KMT2A: variants seen among roughly 807,000 people sequenced by gnomAD.
KMT2A encodes the protein histone-lysine N-methyltransferase 2A.
Under a neutral mutation model 345.3 loss-of-function variants are expected in KMT2A, and 16 were observed. The ratio of observed to expected loss-of-function variants is 0.05; its 90% CI spans 0.03 to 0.07. KMT2A has a LOEUF of 0.07. KMT2A is among the 10% of genes least tolerant of loss of function. The pLI is 1.00. For synonymous variants in KMT2A, 1,599 were observed against 1,778.6 expected, an observed-to-expected ratio of 0.90 and a Z score of 2.54; for missense variants, 3,272 against 4,841.6, an observed-to-expected ratio of 0.68 and a Z score of 9.62.
At position 118,473,528 on chromosome 11, in the gene KMT2A, G is replaced by A. The variant is rs1565280092; in HGVS notation, c.2369G>A (p.Ser790Asn). The stretch of plus-strand genomic sequence containing the variant: ...ATTTCTGTTAGTCCTCTTGCCACTA[G>A]TGCCTTAAACCCAACTTTTACTTTT... ...LSISVSPLAT[S>N]ALNPTFTFPS... Residue 790 changes from serine (S) to asparagine (N), a missense_variant, in exon 3 of 36, where the codon AGT becomes AAT. By Grantham distance (46) the Ser-to-Asn change is conservative. This residue lies in a region of KMT2A where 209 missense variants were observed against 237.4 expected (regional missense o/e 0.88). Transcript: ENST00000534358. The surrounding 1 kb of genome is among the most constrained non-coding windows in gnomAD (Gnocchi z 5.2). 6.2e-7 allele frequency: 1 copy of A among 1,614,102 alleles called. No homozygotes were observed. The highest frequency in any genetic ancestry group is 1.6e-4 in the Middle Eastern group (1 of 6,062).
At position 118,494,925 on chromosome 11, in the gene KMT2A, G is replaced by T. The variant is rs868956994; in HGVS notation, c.5363+158G>T. 2.9e-4 allele frequency among the ~76,000 whole-genome samples: 44 copies of T among 152,198 alleles called. 1 individual carries two copies. Among genetic ancestry groups the T allele is most frequent in the African/African-American group, 1.1e-3 (44 of 41,552 alleles). Reference sequence around the variant, plus strand: ...GTTTTGAGGACTACATTTAATGTTTGTTATAAGCAATTGCCTTTTTGTTCT... The same window carrying T: ...GTTTTGAGGACTACATTTAATGTTTTTTATAAGCAATTGCCTTTTTGTTCT... On this transcript the variant is annotated intron_variant, in intron 18 of 35. Coordinates refer to ENST00000534358, the MANE Select transcript of KMT2A (RefSeq NM_001197104.2). This position sits in a 1 kb window ranked among gnomAD's most constrained non-coding sequence, Gnocchi z 5.8.
chr11:118,440,487 G>A (rs567917986), intron 1 of KMT2A, among the ~76,000 whole-genome samples: 2 of 152,216 alleles, frequency 1.3e-5, no homozygotes, highest in East Asian at 3.9e-4. Flanking sequence ...TAGAAGTTAG[G>A]CTGTTGTAAT....
rs2134341029 is a variant in KMT2A at position 118,491,817 on chromosome 11, C to T, written c.4893C>T (p.His1631=). 6.2e-7 allele frequency: 1 copy of T among 1,614,046 alleles called. No individual in the cohort carries two copies. The highest frequency in any genetic ancestry group is 8.5e-7 in the Non-Finnish European group (1 of 1,179,930). ...CTTGTGTGAACTGTACTGAGCGGCA[C>T]CCTGCAGAGTGGCGACTGGCCCTTG... is the stretch of plus-strand genomic sequence containing the variant. ...AYTCVNCTER[H]PAEWRLALEK... is the part of the protein sequence containing the mutation. Residue 1631 remains histidine (H), a synonymous_variant, in exon 15 of 36, where the codon CAC becomes CAT. Coordinates refer to ENST00000534358, the MANE Select transcript of KMT2A (RefSeq NM_001197104.2). The surrounding 1 kb of genome is among the most constrained non-coding windows in gnomAD (Gnocchi z 4.2).
intron 31 of KMT2A, among the ~76,000 whole-genome samples, chr11:118,515,234 C>T (rs1160297609): frequency 1.3e-5 from 2 of 152,230 alleles, no homozygotes; most frequent in Non-Finnish European, 2.9e-5. Flanking sequence ...CCACCAGGAC[C>T]TATTTCCTCC....
intron 1 of KMT2A, among the ~76,000 whole-genome samples, chr11:118,467,492 T>C (rs1402296737): frequency 6.6e-6 from 1 of 152,256 alleles, no homozygotes. Flanking sequence ...AAAGCCTTTT[T>C]AGATGCCAGT....
At position 118,497,450 on chromosome 11, in the gene KMT2A, C is replaced by T. The variant is rs1950428036; in HGVS notation, c.5665-486C>T. Among the ~76,000 whole-genome samples the T allele has an allele frequency of 6.6e-6, 1 of 152,208 alleles. No individual in the cohort carries two copies. ...TTGCTCTGTCACCCAGACTAGAGTA[C>T]AGTGGCATGCTTTTGGCTCACTGCA... On this transcript the variant is annotated intron_variant, in intron 20 of 35. Transcript: ENST00000534358. The surrounding 1 kb of genome is among the most constrained non-coding windows in gnomAD (Gnocchi z 4.8).
At position 118,505,091 on chromosome 11, in the gene KMT2A, G is replaced by C. The variant is rs2134403767; in HGVS notation, c.9199G>C (p.Val3067Leu). The change falls in exon 27 of 36, where the codon GTC becomes CTC. Residue 3067 changes from valine to leucine, a missense_variant. Coordinates refer to ENST00000534358, the MANE Select transcript of KMT2A (RefSeq NM_001197104.2). The surrounding 1 kb of genome is among the most constrained non-coding windows in gnomAD (Gnocchi z 4.6). ...CCCGTCTCAGATTTCCAATGCAGCTGTCCAGACCACTCCACCCCACCTGAA... is the reference window on the plus strand; with the variant it reads ...CCCGTCTCAGATTTCCAATGCAGCTCTCCAGACCACTCCACCCCACCTGAA... Reference protein sequence around the residue: ...PGPSQISNAAVQTTPPHLKPA... With the variant: ...PGPSQISNAALQTTPPHLKPA... The C allele has an allele frequency of 6.2e-7, 1 of 1,614,022 alleles. No individual in the cohort carries two copies. Among genetic ancestry groups the C allele is most frequent in the South Asian group, 1.1e-5 (1 of 91,080 alleles).
In KMT2A at chr11:118,484,074, A is replaced by C; in HGVS notation, c.4087-109A>C. The C allele has an allele frequency of 9.2e-7, 1 of 1,091,946 alleles. No individual in the cohort carries two copies. The highest frequency in any genetic ancestry group is 1.3e-6 in the Non-Finnish European group (1 of 757,756). The allele number at this position is 1,091,946 out of a possible 1,614,324, so 67.6% of individuals were successfully genotyped here. The stretch of plus-strand genomic sequence containing the variant: ...AAGATTATTTGTTTATGTTGGAAAC[A>C]TGTTTTTTAGATCTATTAATAAAAT... On this transcript the variant is annotated intron_variant, in intron 8 of 35. Coordinates refer to ENST00000534358, the MANE Select transcript of KMT2A (RefSeq NM_001197104.2). The surrounding 1 kb of genome is among the most constrained non-coding windows in gnomAD (Gnocchi z 4.1).
In KMT2A at chr11:118,526,758, C is replaced by T. The variant is rs557438229; in HGVS notation, c.*4586C>T. ...GTTGTAAAAAAAAGGAGTTTTTAAA[C>T]ATGTTTATTTTCTATGCACTTTTTT... On this transcript the variant is annotated 3_prime_UTR_variant, in exon 36 of 36. Transcript: ENST00000534358. 1.3e-5 allele frequency: 3 copies of T among 227,568 alleles called. No individual in the cohort carries two copies. The highest frequency in any genetic ancestry group is 6.6e-5 in the African/African-American group (3 of 45,166). The allele number at this position is 227,568 out of a possible 1,614,324, so 14.1% of individuals were successfully genotyped here.
At chr11:118,458,846 T>C (rs1006408500) in intron 1 of KMT2A, among the ~76,000 whole-genome samples, 2 of 152,230 alleles carry the variant, frequency 1.3e-5, no homozygotes, top group Non-Finnish European at 2.9e-5. Context: ...GTTTGCCTCC[T>C]GGATATTTCT....
chr11:118,504,066 A>C lies in KMT2A; in HGVS notation c.8174A>C (p.Asp2725Ala). The C allele has an allele frequency of 6.2e-7, 1 of 1,614,224 alleles. No homozygotes were observed. The highest frequency in any genetic ancestry group is 8.5e-7 in the Non-Finnish European group (1 of 1,180,030). Reference sequence around the variant, plus strand: ...ATCTCACAGTTGGATGGTGTTGATGATGGGACAGAGAGTGATACTAGTGTC... The same window carrying C: ...ATCTCACAGTTGGATGGTGTTGATGCTGGGACAGAGAGTGATACTAGTGTC... Reference protein sequence around the residue: ...PKISQLDGVDDGTESDTSVTA... With the variant: ...PKISQLDGVDAGTESDTSVTA... Residue 2725 changes from aspartate to alanine, a missense_variant, in exon 27 of 36, where the codon GAT becomes GCT. This residue lies in a region of KMT2A where 9 missense variants were observed against 27.7 expected (regional missense o/e 0.32). Coordinates refer to ENST00000534358, the MANE Select transcript of KMT2A (RefSeq NM_001197104.2). This position sits in a 1 kb window ranked among gnomAD's most constrained non-coding sequence, Gnocchi z 6.4.
In KMT2A at chr11:118,481,736, A is replaced by G; in HGVS notation, c.3656A>G (p.Lys1219Arg). 5 of 1,609,668 alleles carry G rather than the reference A, an allele frequency of 3.1e-6. No individual in the cohort carries two copies. The highest frequency in any genetic ancestry group is 4.2e-6 in the Non-Finnish European group (5 of 1,178,534). ...TCAGCTGTGAAAAAGAAAGAGAAAA[A>G]GTCTAAGACCAGTGAAAAGAAAGAC... is the stretch of plus-strand genomic sequence containing the variant. ...QAKAVKKKEKKSKTSEKKDSK... is the reference protein window; with the variant it reads ...QAKAVKKKEKRSKTSEKKDSK... Residue 1219 changes from lysine to arginine, a missense_variant, in exon 7 of 36, where the codon AAG becomes AGG. Coordinates refer to ENST00000534358, the MANE Select transcript of KMT2A (RefSeq NM_001197104.2).
chr11:118,482,321 A>T, intron 7 of KMT2A, 101 bp from the exon 8 acceptor site: 1 of 818,580 alleles, frequency 1.2e-6, no homozygotes, highest in Non-Finnish European at 1.9e-6. Flanking sequence ...GAGTTTAAAT[A>T]GTTTTTTTTT....
Position 118,498,295 on chromosome 11 carries a change from G to A in KMT2A, c.5803-75G>A. On this transcript the variant is annotated intron_variant, in intron 21 of 35. Coordinates refer to ENST00000534358, the MANE Select transcript of KMT2A (RefSeq NM_001197104.2). The surrounding 1 kb of genome is among the most constrained non-coding windows in gnomAD (Gnocchi z 4.4). ...TTGTAGGAACTGTAGAATGGGATGAGTCTATAGAGGAGACGGTAAACGTCT... is the reference window on the plus strand; with the variant it reads ...TTGTAGGAACTGTAGAATGGGATGAATCTATAGAGGAGACGGTAAACGTCT... 2 of 1,366,836 alleles carry A rather than the reference G, an allele frequency of 1.5e-6. No homozygotes were observed. Among genetic ancestry groups the A allele is most frequent in the Non-Finnish European group, 2.0e-6 (2 of 995,810 alleles). 84.7% of individuals were successfully genotyped at this position (1,366,836 alleles called of 1,614,324 possible).
In KMT2A at chr11:118,494,612, C is replaced by T. The variant is rs975084621; in HGVS notation, c.5290-82C>T. ...TGGCCTGAAATTATCCTCGTATTAA[C>T]AGAGAAGCTGGTTTGAAGATTTTTC... On this transcript the variant is annotated intron_variant, in intron 17 of 35. Coordinates refer to ENST00000534358, the MANE Select transcript of KMT2A (RefSeq NM_001197104.2). The surrounding 1 kb of genome is among the most constrained non-coding windows in gnomAD (Gnocchi z 5.8). 8.1e-7 allele frequency: 1 copy of T among 1,241,522 alleles called. No homozygotes were observed. Among genetic ancestry groups the T allele is most frequent in the African/African-American group, 1.5e-5 (1 of 66,868 alleles). 76.9% of individuals were successfully genotyped at this position (1,241,522 alleles called of 1,614,324 possible).
In KMT2A at chr11:118,473,374, A is replaced by G; in HGVS notation, c.2215A>G (p.Lys739Glu). The change falls in exon 3 of 36, where the codon AAA becomes GAA. Residue 739 changes from lysine to glutamate, a missense_variant. Coordinates refer to ENST00000534358, the MANE Select transcript of KMT2A (RefSeq NM_001197104.2). This position sits in a 1 kb window ranked among gnomAD's most constrained non-coding sequence, Gnocchi z 5.2. ...AGTATCCAATAGAAAAAGGAAAAGAAAAGTGTTTAGTCCTATTCGATCTGA... is the reference window on the plus strand; with the variant it reads ...AGTATCCAATAGAAAAAGGAAAAGAGAAGTGTTTAGTCCTATTCGATCTGA... Reference protein sequence around the residue: ...SGVSNRKRKRKVFSPIRSEPR... With the variant: ...SGVSNRKRKREVFSPIRSEPR... The G allele has an allele frequency of 6.2e-7, 1 of 1,614,076 alleles. No individual in the cohort carries two copies. The highest frequency in any genetic ancestry group is 8.5e-7 in the Non-Finnish European group (1 of 1,179,990).
intron 1 of KMT2A, among the ~76,000 whole-genome samples, chr11:118,447,191 C>A (rs1949439820): frequency 6.6e-6 from 1 of 152,138 alleles, no homozygotes; most frequent in Admixed American, 6.6e-5. Flanking sequence ...AAATTTAACC[C>A]CGTATACCTT....
chr11:118,489,844 G>A lies in KMT2A; in HGVS notation c.4532G>A (p.Gly1511Glu). Residue 1511 changes from glycine (G) to glutamate (E), a missense_variant, in exon 12 of 36, where the codon GGA becomes GAA. Gly to Glu is a moderately conservative substitution (Grantham distance 98). Around this residue, in one of 27 missense-constraint regions of KMT2A, gnomAD observed 120 missense variants for 280.4 expected, o/e 0.43. Coordinates refer to ENST00000534358, the MANE Select transcript of KMT2A (RefSeq NM_001197104.2). ...CRNSYHPECL[G>E]PNYPTKPTKK... ...AACAGCTATCACCCTGAGTGCCTGGGACCAAACTACCCCACCAAACCCACA... is the reference window on the plus strand; with the variant it reads ...AACAGCTATCACCCTGAGTGCCTGGAACCAAACTACCCCACCAAACCCACA... The A allele has an allele frequency of 6.2e-7, 1 of 1,614,120 alleles. No homozygotes were observed. The highest frequency in any genetic ancestry group is 8.5e-7 in the Non-Finnish European group (1 of 1,180,010).
Position 118,472,900 on chromosome 11 carries a change from C to T in KMT2A, c.1741C>T (p.His581Tyr), listed in dbSNP as rs1555036160. 3.1e-6 allele frequency: 5 copies of T among 1,613,966 alleles called. No individual in the cohort carries two copies. Among genetic ancestry groups the T allele is most frequent in the Non-Finnish European group, 4.2e-6 (5 of 1,179,974 alleles). ...PLQPASSISD[H>Y]TPWLMPPTIP... is the part of the protein sequence containing the mutation. ...GCAGCCAGCCTCCAGTATCTCTGACCACACACCTTGGCTTATGCCTCCAAC... is the reference window on the plus strand; with the variant it reads ...GCAGCCAGCCTCCAGTATCTCTGACTACACACCTTGGCTTATGCCTCCAAC... The change falls in exon 3 of 36, where the codon CAC becomes TAC. Residue 581 changes from histidine (H) to tyrosine (Y), a missense_variant. This residue lies in a region of KMT2A where 180 missense variants were observed against 190.7 expected (regional missense o/e 0.94). Transcript: ENST00000534358.
Sources: gnomAD v4.1 joint callset for allele counts (sites outside exome capture counted in the v4.1 genomes callset) on GRCh38, gnomAD v4.1.1 for gene constraint, gnomAD v4.1.1 regional missense constraint, Gnocchi (gnomAD v3.1) non-coding constraint, MANE v1.5 for transcripts, NCBI Gene and HGNC (gene_info 2026-07-23, HGNC 2026-07-21) for gene names.